USP39: variants seen among roughly 807,000 people sequenced by gnomAD.
USP39 encodes the protein ubiquitin specific peptidase 39, also known as ubiquitin carboxyl-terminal hydrolase 39.
USP39 carries 38 observed loss-of-function variants against 66.4 expected under a neutral mutation model. That is an observed-to-expected ratio of 0.57 (90% CI 0.44 to 0.75). The LOEUF is 0.75. Among genes scored for constraint, USP39 ranks in the 30% least tolerant of loss-of-function variants. The probability of loss-of-function intolerance (pLI) is 0.00; values close to 1 mark genes in which losing one functional copy is unlikely to be tolerated. For missense variants in USP39, 608 were observed against 714.4 expected (o/e 0.85, Z 1.70); for synonymous variants, 303 against 274.6 (o/e 1.10, Z -1.02).
In USP39 at chr2:85,649,037, T is replaced by C. The variant is rs1272551435; in HGVS notation, c.*229T>C. 5 of 562,308 alleles carry C rather than the reference T, an allele frequency of 8.9e-6. No homozygotes were observed. Among genetic ancestry groups the C allele is most frequent in the Admixed American group, 3.2e-5 (1 of 30,906 alleles). The allele number at this position is 562,308 out of a possible 1,614,324, so 34.8% of individuals were successfully genotyped here. ...TCTAGATTGATGCTCCTTTCTCCCA[T>C]GCATTGAGCTCCCATCTAGCTTCAG... On this transcript the variant is annotated 3_prime_UTR_variant, in exon 13 of 13. Transcript: ENST00000323701.
intron 11 of USP39, among the ~76,000 whole-genome samples, chr2:85,646,376 T>C (rs545173858): frequency 6.6e-6 from 1 of 152,366 alleles, no homozygotes; most frequent in South Asian, 2.1e-4. Flanking sequence ...AGTACGCCAG[T>C]TACTTAATGT....
Position 85,619,159 on chromosome 2 carries a change from TGTTA to T in USP39, c.269-57_269-54del, listed in dbSNP as rs1461817228. On this transcript the variant is annotated intron_variant, in intron 1 of 12. Transcript: ENST00000323701. ...CCCATTTCTGTTTCTTTTTTTGTTC[TGTTA>T]GTTGGCCCTGAGTATAGGTTTCCCA... 5 of 1,559,338 alleles carry T rather than the reference TGTTA, an allele frequency of 3.2e-6. No individual in the cohort carries two copies. In the African/African-American group the frequency reaches 6.8e-5, roughly 21 times the overall value.
In USP39 at chr2:85,648,490, T is replaced by G. The variant is rs373233698; in HGVS notation, c.1651-271T>G. Among the ~76,000 whole-genome samples the G allele has an allele frequency of 4.9e-4, 75 of 152,278 alleles. 2 individuals carry two copies. The South Asian group carries it at 0.011, about 22-fold the overall frequency. ...CATGGAGCACAGAGCATCTCTGTCT[T>G]CTCTTTATGTAACTGCCCTAGTACC... On this transcript the variant is annotated intron_variant, in intron 12 of 12. Transcript: ENST00000323701.
intron 1 of USP39, among the ~76,000 whole-genome samples, chr2:85,617,224 G>A (rs2104212028): frequency 6.6e-6 from 1 of 151,980 alleles, no homozygotes; most frequent in African/African-American, 2.4e-5. Flanking sequence ...AAAGTGCTGG[G>A]TTTACAGGCG....
intron 1 of USP39, among the ~76,000 whole-genome samples, chr2:85,616,915 C>T (rs181893148): frequency 2.0e-5 from 3 of 151,876 alleles, no homozygotes; most frequent in African/African-American, 7.3e-5. Context: ...TGGTCTCGAT[C>T]TCCTGACTTC....
chr2:85,622,314 G>A (rs1015384239), intron 3 of USP39, among the ~76,000 whole-genome samples: 3 of 151,290 alleles, frequency 2.0e-5, no homozygotes, highest in Non-Finnish European at 4.4e-5. Context: ...GTAGAGAGGG[G>A]GTTTCACCAT....
chr2:85,621,587 A>C lies in USP39; in HGVS notation c.433+8A>C. ...GTGGCAAGTACTTTCAAGGTAAATA[A>C]GTTGTTAGAGCTAACTGCAGATCTG... On this transcript the variant is annotated splice_region_variant and intron_variant, in intron 3 of 12. Coordinates refer to ENST00000323701, the MANE Select transcript of USP39 (RefSeq NM_006590.4). The C allele has an allele frequency of 1.9e-6, 3 of 1,610,962 alleles. No homozygotes were observed. Among genetic ancestry groups the C allele is most frequent in the Non-Finnish European group, 2.5e-6 (3 of 1,178,818 alleles).
upstream of USP39, chr2:85,608,999 T>TGGA (rs1673329077): frequency 6.2e-7 from 1 of 1,614,140 alleles, no homozygotes. Flanking sequence ...ACTTGAGGGC[T>TGGA]TCTCGCATGG....
At chr2:85,641,397 A>G (rs1676223073) in intron 10 of USP39, among the ~76,000 whole-genome samples, 1 of 152,200 alleles carries the variant, frequency 6.6e-6, no homozygotes, top group Non-Finnish European at 1.5e-5. Context: ...TGCAAGTAGG[A>G]TAAGACAGGT....
intron 5 of USP39, among the ~76,000 whole-genome samples, chr2:85,627,107 G>A (rs1356367458): frequency 6.6e-6 from 1 of 151,058 alleles, no homozygotes; most frequent in Non-Finnish European, 1.5e-5. Context: ...GCATACTGTA[G>A]AAATTTTTTT....
At chr2:85,619,709 T>C (rs924177173) in intron 2 of USP39, among the ~76,000 whole-genome samples, 17 of 151,944 alleles carry the variant, frequency 1.1e-4, no homozygotes, top group African/African-American at 2.9e-4. Context: ...CAACCTATAT[T>C]GTAGGGGAAT....
In USP39 at chr2:85,616,257, C is replaced by T. The variant is rs1432113989; in HGVS notation, c.62C>T (p.Ser21Leu). The T allele has an allele frequency of 6.6e-7, 1 of 1,511,820 alleles. No homozygotes were observed. The highest frequency in any genetic ancestry group is 8.9e-7 in the Non-Finnish European group (1 of 1,128,008). The allele number at this position is 1,511,820 out of a possible 1,614,324, so 93.7% of individuals were successfully genotyped here. A position where few individuals can be genotyped will look rare whatever the true frequency, so the allele number is the denominator to read the frequency against. The change falls in exon 1 of 13, where the codon TCG becomes TTG. Residue 21 changes from serine to leucine, a missense_variant. This residue lies in a region of USP39 where 207 missense variants were observed against 145.7 expected (regional missense o/e 1.42). Coordinates refer to ENST00000323701, the MANE Select transcript of USP39 (RefSeq NM_006590.4). ...ACTCGCGGGAAGCGAGAGTCTGAGTCGCGGGGCAGCTCCGGTCGCGTCAAG... is the reference window on the plus strand; with the variant it reads ...ACTCGCGGGAAGCGAGAGTCTGAGTTGCGGGGCAGCTCCGGTCGCGTCAAG... ...GSTRGKRESE[S>L]RGSSGRVKRE... is the part of the protein sequence containing the mutation.
upstream of USP39, chr2:85,611,757 G>A (rs749255195): frequency 3.1e-6 from 5 of 1,611,678 alleles, no homozygotes; most frequent in African/African-American, 5.3e-5. Context: ...CTCCTTGGCC[G>A]CCTGCTTCAC....
intron 1 of USP39, among the ~76,000 whole-genome samples, chr2:85,603,674 C>T (rs1040917080): frequency 3.3e-5 from 5 of 151,372 alleles, no homozygotes; most frequent in African/African-American, 7.3e-5. Flanking sequence ...TCACTGTAAG[C>T]TCCGCCTCAC....
rs34391423 is a variant in USP39, at chr2:85,643,648, C to CT, written c.1428-1284dup. 4.1e-3 allele frequency among the ~76,000 whole-genome samples: 578 copies of CT among 139,406 alleles called. 7 individuals carry two copies. The highest frequency in any genetic ancestry group is 9.4e-3 in the African/African-American group (353 of 37,418). 91.5% of individuals were successfully genotyped at this position (139,406 alleles called of 152,430 possible). On this transcript the variant is annotated intron_variant, in intron 10 of 12. Coordinates refer to ENST00000323701, the MANE Select transcript of USP39 (RefSeq NM_006590.4). ...CACATGGACTCAGGACTCATATCTCCTTTTTTTTTTTTTTTTGGAGATGGA... is the reference window on the plus strand; with the variant it reads ...CACATGGACTCAGGACTCATATCTCCTTTTTTTTTTTTTTTTTGGAGATGGA...
chr2:85,622,809 C>T (rs141708998), intron 3 of USP39, among the ~76,000 whole-genome samples: 5 of 151,828 alleles, frequency 3.3e-5, no homozygotes, highest in East Asian at 1.9e-4. Context: ...TTTGGGAGGC[C>T]GAGGAGGAGG....
At chr2:85,643,687 G>T (rs1330858161) in intron 10 of USP39, among the ~76,000 whole-genome samples, 23 of 142,962 alleles carry the variant, frequency 1.6e-4, no homozygotes, top group Admixed American at 1.0e-3. Context: ...TCGCTCTGTT[G>T]CCCAGGCTGG....
intron 10 of USP39, among the ~76,000 whole-genome samples, chr2:85,644,348 T>C (rs1185039727): frequency 1.3e-5 from 2 of 152,316 alleles, no homozygotes; most frequent in South Asian, 2.1e-4. Flanking sequence ...CAAAATGATA[T>C]ATTTTTCCTA....
At chr2:85,609,680 G>T, upstream of USP39, 1 of 1,480,182 alleles carries the variant, frequency 6.8e-7, no homozygotes, top group Non-Finnish European at 9.1e-7. Context: ...GGTTAGGAAA[G>T]CCCCAGTCTT....
Sources: allele counts gnomAD v4.1 joint callset (sites outside exome capture counted in the v4.1 genomes callset), GRCh38; gene constraint gnomAD v4.1.1; regional missense constraint gnomAD v4.1.1; transcripts MANE v1.5; gene names NCBI Gene and HGNC (gene_info 2026-07-23, HGNC 2026-07-21).